Variants in KIAA1958 observed in about 807,000 individuals in gnomAD.
The protein encoded by KIAA1958 is uncharacterized protein KIAA1958.
Under a neutral mutation model 47.2 loss-of-function variants are expected in KIAA1958, and 14 were observed. The observed-to-expected ratio is 0.30, with a 90% CI of 0.20 to 0.46. The LOEUF is 0.46. KIAA1958 is among the 20% of genes least tolerant of loss of function. The pLI, the probability that KIAA1958 is intolerant of heterozygous loss-of-function variation, is 1.00. For missense variants in KIAA1958, 803 were observed against 909.2 expected, an observed-to-expected ratio of 0.88 and a Z score of 1.50; for synonymous variants, 354 against 353.3, an observed-to-expected ratio of 1.00 and a Z score of -0.02.
chr9:112,557,182 A>G (rs905386713), intron 1 of KIAA1958, among the ~76,000 whole-genome samples: 1 of 152,054 alleles, frequency 6.6e-6, no homozygotes, highest in Admixed American at 6.6e-5. Flanking sequence ...CTGGCCTTGA[A>G]TACCCAGGCT....
chr9:112,517,337 T>C (rs1834455909), intron 1 of KIAA1958, among the ~76,000 whole-genome samples: 1 of 152,218 alleles, frequency 6.6e-6, no homozygotes. Flanking sequence ...TGTATGTCTA[T>C]ATGCAAAAAG....
chr9:112,508,600 C>G (rs1026306564), intron 1 of KIAA1958, among the ~76,000 whole-genome samples: 2 of 152,202 alleles, frequency 1.3e-5, no homozygotes, highest in African/African-American at 4.8e-5. Flanking sequence ...TTTGCACACA[C>G]TGCTTTGCTT....
At chr9:112,622,537 C>T (rs542411646) in intron 2 of KIAA1958, among the ~76,000 whole-genome samples, 2 of 152,138 alleles carry the variant, frequency 1.3e-5, no homozygotes, top group South Asian at 2.1e-4. Flanking sequence ...TTCAAGACAG[C>T]TTATTCTAGA....
At chr9:112,610,530 A>C (rs1214947076) in intron 2 of KIAA1958, among the ~76,000 whole-genome samples, 2 of 152,188 alleles carry the variant, frequency 1.3e-5, no homozygotes, top group Non-Finnish European at 2.9e-5. Flanking sequence ...CGGGCCCCCC[A>C]AAAATTGAAA....
chr9:112,592,557 G>A (rs1564184252), intron 2 of KIAA1958, among the ~76,000 whole-genome samples: 2 of 152,186 alleles, frequency 1.3e-5, no homozygotes, highest in Non-Finnish European at 2.9e-5. Flanking sequence ...TCAAAGTAAA[G>A]CACTTAGAGA....
At chr9:112,568,143 G>A (rs1439793005) in intron 1 of KIAA1958, among the ~76,000 whole-genome samples, 1 of 151,684 alleles carries the variant, frequency 6.6e-6, no homozygotes, top group Admixed American at 6.6e-5. Context: ...TTTTGCAAAC[G>A]GAAACACTCA....
At chr9:112,625,265 A>G (rs768249300) in intron 2 of KIAA1958, among the ~76,000 whole-genome samples, 6 of 151,992 alleles carry the variant, frequency 3.9e-5, no homozygotes, top group Non-Finnish European at 8.8e-5. Context: ...AATCCTCCCA[A>G]CTCAACCTCC....
chr9:112,583,729 A>C (rs539096012), intron 2 of KIAA1958, among the ~76,000 whole-genome samples: 4 of 152,322 alleles, frequency 2.6e-5, no homozygotes, highest in African/African-American at 9.6e-5. Context: ...TGTTTAAAGC[A>C]CATGAACATT....
At chr9:112,506,280 C>T (rs1356873836) in intron 1 of KIAA1958, among the ~76,000 whole-genome samples, 1 of 152,040 alleles carries the variant, frequency 6.6e-6, no homozygotes, top group Non-Finnish European at 1.5e-5. Flanking sequence ...CACGGTGAAA[C>T]CCCGTCTCTA....
intron 2 of KIAA1958, among the ~76,000 whole-genome samples, chr9:112,632,474 G>T (rs188582555): frequency 6.6e-6 from 1 of 152,084 alleles, no homozygotes; most frequent in African/African-American, 2.4e-5. Flanking sequence ...TACTGATGTA[G>T]ACATCATTCA....
chr9:112,531,257 G>T, intron 1 of KIAA1958, among the ~76,000 whole-genome samples: 1 of 152,090 alleles, frequency 6.6e-6, no homozygotes, highest in East Asian at 1.9e-4. Context: ...GCGTGGTGGC[G>T]CATGCCTGTA....
chr9:112,617,730 A>G (rs960277850), intron 2 of KIAA1958: 19 of 677,844 alleles, frequency 2.8e-5, no homozygotes, highest in Non-Finnish European at 4.5e-5. Context: ...AGGTATGTAA[A>G]TAACATTTAT....
chr9:112,653,623 G>A (rs1837097666), intron 3 of KIAA1958, among the ~76,000 whole-genome samples: 1 of 152,164 alleles, frequency 6.6e-6, no homozygotes, highest in African/African-American at 2.4e-5. Flanking sequence ...GACAGAAGCA[G>A]GCCACGTGCG....
chr9:112,542,262 A>C (rs1479878275), intron 1 of KIAA1958, among the ~76,000 whole-genome samples: 1 of 152,192 alleles, frequency 6.6e-6, no homozygotes, highest in Non-Finnish European at 1.5e-5. Context: ...AAAATGTCCC[A>C]ATATGGTCAA....
intron 3 of KIAA1958, among the ~76,000 whole-genome samples, chr9:112,656,868 T>C (rs1253091264): frequency 6.6e-6 from 1 of 152,196 alleles, no homozygotes; most frequent in Non-Finnish European, 1.5e-5. Flanking sequence ...GTATAAAGTA[T>C]GTGATGTTCT....
chr9:112,658,735 A>G (rs1023028803), intron 3 of KIAA1958, among the ~76,000 whole-genome samples: 1 of 152,108 alleles, frequency 6.6e-6, no homozygotes, highest in Non-Finnish European at 1.5e-5. Context: ...CAAGGTGGGC[A>G]GATCACGAGG....
chr9:112,498,112 AC>A (rs1834075155), intron 1 of KIAA1958, among the ~76,000 whole-genome samples: 1 of 152,112 alleles, frequency 6.6e-6, no homozygotes, highest in Non-Finnish European at 1.5e-5. Context: ...AAGGTTGTTA[AC>A]ATTTTCATGA....
At chr9:112,628,053 T>C (rs1665011941) in intron 2 of KIAA1958, among the ~76,000 whole-genome samples, 3 of 152,338 alleles carry the variant, frequency 2.0e-5, no homozygotes, top group South Asian at 4.1e-4. Context: ...ACTATACTTT[T>C]ATTTATACTC....
intron 3 of KIAA1958, among the ~76,000 whole-genome samples, chr9:112,653,792 C>G (rs1306760277): frequency 2.0e-5 from 3 of 152,126 alleles, no homozygotes; most frequent in South Asian, 2.1e-4. Flanking sequence ...CCCAGCTACT[C>G]AGGAGGTTGA....
Sources: allele counts gnomAD v4.1 joint callset (sites outside exome capture counted in the v4.1 genomes callset), GRCh38; gene constraint gnomAD v4.1.1; transcripts MANE v1.5; gene names NCBI Gene and HGNC (gene_info 2026-07-23, HGNC 2026-07-21).